Variants in TRIM43 observed in about 807,000 individuals in gnomAD.
TRIM43 encodes the protein tripartite motif-containing protein 43.
A neutral mutation model predicts 27.7 loss-of-function variants in TRIM43; 12 were observed. The observed-to-expected ratio is 0.43, with a 90% CI of 0.28 to 0.70. The LOEUF is 0.70. Among genes scored for constraint, TRIM43 ranks in the 30% least tolerant of loss-of-function variants. TRIM43 has a pLI of 0.17. For missense variants in TRIM43, 186 were observed against 356.5 expected (o/e 0.52, Z 3.85); for synonymous variants, 64 against 121.9 (o/e 0.52, Z 3.13).
chr2:95,593,661 G>C (rs1197597027), intron 1 of TRIM43, among the ~76,000 whole-genome samples: 9 of 151,800 alleles, frequency 5.9e-5, no homozygotes, highest in Admixed American at 1.3e-4. Context: ...GCAATTAAGA[G>C]TGTTACTGAT....
Position 95,596,304 on chromosome 2 carries a change from G to T in TRIM43, c.610G>T (p.Glu204Ter). The change falls in exon 4 of 7, where the codon GAA becomes TAA. Residue 204 changes from glutamate (E) to a stop codon, truncating the protein, a stop_gained. Coordinates refer to ENST00000272395, the MANE Select transcript of TRIM43 (RefSeq NM_138800.3). LOFTEE classifies it high-confidence loss of function. Reference sequence around the variant, plus strand: ...ACAACATTTAGAGAGACTGAACAAGGAATACCAAGAGATTTTTCAGCAACT... The same window carrying T: ...ACAACATTTAGAGAGACTGAACAAGTAATACCAAGAGATTTTTCAGCAACT... ...EKQHLERLNK[E>*]YQEIFQQLQR... 6.2e-7 allele frequency: 1 copy of T among 1,608,624 alleles called. No individual in the cohort carries two copies. Among genetic ancestry groups the T allele is most frequent in the East Asian group, 2.2e-5 (1 of 44,612 alleles).
chr2:95,593,001 A>C (rs1685283950), intron 1 of TRIM43, among the ~76,000 whole-genome samples: 1 of 151,056 alleles, frequency 6.6e-6, no homozygotes, highest in African/African-American at 2.4e-5. Context: ...GGTTCACGCC[A>C]TTCTCCAGCC....
chr2:95,594,036 T>C lies in TRIM43; in HGVS notation c.13T>C (p.Phe5Leu), dbSNP rs898240588. 6.2e-7 allele frequency: 1 copy of C among 1,613,024 alleles called. No homozygotes were observed. The highest frequency in any genetic ancestry group is 1.3e-5 in the African/African-American group (1 of 74,784). Residue 5 changes from phenylalanine (F) to leucine (L), a missense_variant, in exon 2 of 7, where the codon TTC becomes CTC. By Grantham distance (22) the Phe-to-Leu change is conservative (BLOSUM62 0). This residue lies in a region of TRIM43 where 41 missense variants were observed against 46.1 expected (regional missense o/e 0.89). Transcript: ENST00000272395. MDSD[F>L]SHAFQKELTC... ...TTTCCTTAGGAAAATGGACTCAGAC[T>C]TCTCACATGCCTTCCAGAAGGAACT...
At chr2:95,595,294 G>A (rs1476433318) in intron 3 of TRIM43, 149 bp downstream of exon 3, 10 of 546,784 alleles carry the variant, frequency 1.8e-5, no homozygotes, top group African/African-American at 9.7e-5. Flanking sequence ...TCAACATAAC[G>A]ATTGTTCAGG....
chr2:95,593,927 G>A (rs1212303664), intron 1 of TRIM43, 93 bp from the exon 2 acceptor site: 1 of 1,536,656 alleles, frequency 6.5e-7, no homozygotes, highest in African/African-American at 1.4e-5. Flanking sequence ...TAGAAAGAAA[G>A]GATATTATTC....
rs1685254996 is a variant in TRIM43, at chr2:95,592,124, G to A, written c.-30G>A. 6.6e-6 allele frequency: 1 copy of A among 151,698 alleles called. No homozygotes were observed. The highest frequency in any genetic ancestry group is 6.6e-5 in the Admixed American group (1 of 15,238). 9.4% of individuals were successfully genotyped at this position (151,698 alleles called of 1,614,324 possible). On this transcript the variant is annotated 5_prime_UTR_variant, in exon 1 of 7. Coordinates refer to ENST00000272395, the MANE Select transcript of TRIM43 (RefSeq NM_138800.3). ...TTCATCTGATTCGACGGCAAGCTTTGGTGAGAACATAGATATATTTCTGAG... is the reference window on the plus strand; with the variant it reads ...TTCATCTGATTCGACGGCAAGCTTTAGTGAGAACATAGATATATTTCTGAG...
In TRIM43 at chr2:95,594,373, ACT is replaced by A. The variant is rs1685316228; in HGVS notation, c.354_355del (p.Gln119GlyfsTer15). On this transcript the variant is annotated frameshift_variant, in exon 2 of 7. Transcript: ENST00000272395. LOFTEE classifies it high-confidence loss of function. ...AGTCTCCTCTGCTTGCTGTGCTCCAACTCTCAGGAGCACGGGGCTCACAAACA... is the reference window on the plus strand; with the variant it reads ...AGTCTCCTCTGCTTGCTGTGCTCCAACTCAGGAGCACGGGGCTCACAAACA... 1 of 1,610,638 alleles carries A rather than the reference ACT, an allele frequency of 6.2e-7. No individual in the cohort carries two copies. Among genetic ancestry groups the A allele is most frequent in the Non-Finnish European group, 8.5e-7 (1 of 1,179,494 alleles).
rs150864276 is a variant in TRIM43 at position 95,596,239 on chromosome 2, A to T, written c.545A>T (p.Glu182Val). 37 of 1,610,900 alleles carry T rather than the reference A, an allele frequency of 2.3e-5. No homozygotes were observed. The highest frequency in any genetic ancestry group is 5.0e-5 in the Admixed American group (3 of 59,926). ...TTACGGGCACAGATGATCAGGAATG[A>T]GTATAGGAAGCTGCATCCGGTTCTC... ...VVLRAQMIRN[E>V]YRKLHPVLHK... is the part of the protein sequence containing the mutation. Residue 182 changes from glutamate (E) to valine (V), a missense_variant, in exon 4 of 7, where the codon GAG becomes GTG. This residue lies in a region of TRIM43 where 91 missense variants were observed against 119.3 expected (regional missense o/e 0.76). Coordinates refer to ENST00000272395, the MANE Select transcript of TRIM43 (RefSeq NM_138800.3).
rs542810398 is a variant in TRIM43, at chr2:95,594,433, G to A, written c.410G>A (p.Arg137Gln). Residue 137 changes from arginine to glutamine, a missense_variant and splice_region_variant, in exon 2 of 7, where the codon CGG becomes CAG. Transcript: ENST00000272395. The stretch of plus-strand genomic sequence containing the variant: ...ATCGAAGAGGCAGCTGAGGAACACC[G>A]GGTAAGAGATAGCTCTGTGATCACC... ...HPIEEAAEEH[R>Q]EKLLKQMRIL... 27 of 1,610,538 alleles carry A rather than the reference G, an allele frequency of 1.7e-5. 1 individual carries two copies. The highest frequency in any genetic ancestry group is 6.6e-5 in the South Asian group (6 of 90,804).
At chr2:95,596,116 AG>A in intron 3 of TRIM43, 85 bp from the exon 4 acceptor site, 1 of 1,517,982 alleles carries the variant, frequency 6.6e-7, no homozygotes, top group South Asian at 1.2e-5. Flanking sequence ...GGAAAATAAA[AG>A]AAGGAATGAG....
rs371142909 is a variant in TRIM43 at position 95,595,119 on chromosome 2, G to A, written c.481G>A (p.Glu161Lys). 10 of 1,612,182 alleles carry A rather than the reference G, an allele frequency of 6.2e-6. 1 individual carries two copies. Among genetic ancestry groups the A allele is most frequent in the African/African-American group, 2.7e-5 (2 of 74,700 alleles). ...IQENQRNLYEEGRTAFLWRGN... is the reference protein window; with the variant it reads ...IQENQRNLYEKGRTAFLWRGN... ...AGAAAATCAGAGAAATCTATATGAG[G>A]AGGGAAGAACAGCCTTCCTCTGGAG... Residue 161 changes from glutamate to lysine, a missense_variant, in exon 3 of 7, where the codon GAG (glutamate) becomes AAG (lysine). Physicochemically the swap from Glu to Lys is moderately conservative, Grantham distance 56. Coordinates refer to ENST00000272395, the MANE Select transcript of TRIM43 (RefSeq NM_138800.3).
At position 95,594,370 on chromosome 2, in the gene TRIM43, C is replaced by G. The variant is rs1685316009; in HGVS notation, c.347C>G (p.Ser116Cys). 6.2e-7 allele frequency: 1 copy of G among 1,610,668 alleles called. No homozygotes were observed. The highest frequency in any genetic ancestry group is 1.3e-5 in the African/African-American group (1 of 74,500). ...AAGAGTCTCCTCTGCTTGCTGTGCTCCAACTCTCAGGAGCACGGGGCTCAC... is the reference window on the plus strand; with the variant it reads ...AAGAGTCTCCTCTGCTTGCTGTGCTGCAACTCTCAGGAGCACGGGGCTCAC... ...MDKSLLCLLC[S>C]NSQEHGAHKH... Residue 116 changes from serine (S) to cysteine (C), a missense_variant, in exon 2 of 7, where the codon TCC becomes TGC. Ser to Cys is a moderately radical substitution (Grantham distance 112). Around this residue, in one of 6 missense-constraint regions of TRIM43, gnomAD observed 91 missense variants for 119.3 expected, o/e 0.76. Coordinates refer to ENST00000272395, the MANE Select transcript of TRIM43 (RefSeq NM_138800.3).
At chr2:95,592,954 T>C (rs1384554042) in intron 1 of TRIM43, among the ~76,000 whole-genome samples, 1 of 151,474 alleles carries the variant, frequency 6.6e-6, no homozygotes, top group Non-Finnish European at 1.5e-5. Context: ...TGGAGTGCTG[T>C]GGCACTATCT....
Position 95,594,447 on chromosome 2 carries a change from T to A in TRIM43, c.411+13T>A. 1 of 1,608,954 alleles carries A rather than the reference T, an allele frequency of 6.2e-7. No homozygotes were observed. The highest frequency in any genetic ancestry group is 8.5e-7 in the Non-Finnish European group (1 of 1,178,918). ...TGAGGAACACCGGGTAAGAGATAGCTCTGTGATCACCTGAAAGCTGGAGGG... is the reference window on the plus strand; with the variant it reads ...TGAGGAACACCGGGTAAGAGATAGCACTGTGATCACCTGAAAGCTGGAGGG... On this transcript the variant is annotated intron_variant, in intron 2 of 6. Coordinates refer to ENST00000272395, the MANE Select transcript of TRIM43 (RefSeq NM_138800.3).
At chr2:95,594,501 A>T in intron 2 of TRIM43, 67 bp downstream of exon 2, 1 of 1,580,352 alleles carries the variant, frequency 6.3e-7, no homozygotes, top group South Asian at 1.2e-5. Flanking sequence ...TAGAAGGATG[A>T]TGAGAATCAT....
At position 95,594,379 on chromosome 2, in the gene TRIM43, A is replaced by G. The variant is rs1333759394; in HGVS notation, c.356A>G (p.Gln119Arg). 1.9e-6 allele frequency: 3 copies of G among 1,610,804 alleles called. No homozygotes were observed. The highest frequency in any genetic ancestry group is 2.2e-5 in the East Asian group (1 of 44,858). The part of the protein sequence containing the change: ...SLLCLLCSNS[Q>R]EHGAHKHHPI... ...CTCTGCTTGCTGTGCTCCAACTCTCAGGAGCACGGGGCTCACAAACACCAT... is the reference window on the plus strand; with the variant it reads ...CTCTGCTTGCTGTGCTCCAACTCTCGGGAGCACGGGGCTCACAAACACCAT... The change falls in exon 2 of 7, where the codon CAG (glutamine) becomes CGG (arginine). Residue 119 changes from glutamine (Q) to arginine (R), a missense_variant. Gln to Arg is a conservative substitution (Grantham distance 43, BLOSUM62 1). Coordinates refer to ENST00000272395, the MANE Select transcript of TRIM43 (RefSeq NM_138800.3).
chr2:95,593,059 G>T (rs1320676350), intron 1 of TRIM43, among the ~76,000 whole-genome samples: 4 of 151,488 alleles, frequency 2.6e-5, no homozygotes, highest in African/African-American at 9.7e-5. Flanking sequence ...ACCACTCCCG[G>T]CTAATTTTTT....
intron 2 of TRIM43, 76 bp from the exon 3 acceptor site, chr2:95,594,974 G>A: frequency 2.0e-6 from 3 of 1,474,136 alleles, no homozygotes; most frequent in African/African-American, 1.4e-5. Context: ...ATTATCCCTT[G>A]CCTGTGTATA....
intron 1 of TRIM43, among the ~76,000 whole-genome samples, chr2:95,593,560 T>C (rs2104457244): frequency 1.3e-5 from 2 of 151,988 alleles, no homozygotes; most frequent in East Asian, 3.9e-4. Context: ...AATGTCCTTC[T>C]GGAAAAGTCA....
Sources: gnomAD v4.1 joint callset for allele counts (sites outside exome capture counted in the v4.1 genomes callset) on GRCh38, gnomAD v4.1.1 for gene constraint, gnomAD v4.1.1 regional missense constraint, MANE v1.5 for transcripts, NCBI Gene and HGNC (gene_info 2026-07-23, HGNC 2026-07-21) for gene names.